The following CLDN2 variants were observed in gnomAD, a reference collection of about 807,000 sequenced individuals.
The protein encoded by CLDN2 is claudin-2.
A neutral mutation model predicts 8.2 loss-of-function variants in CLDN2; 1 was observed. The ratio of observed to expected loss-of-function variants is 0.12; its 90% CI spans 0.04 to 0.58. The LOEUF (loss-of-function observed/expected upper bound fraction) is 0.58. CLDN2 is among the 20% of genes least tolerant of loss of function. The pLI is 0.90. For synonymous variants in CLDN2, 70 were observed against 70.2 expected (o/e 1.00, Z 0.01); for missense variants, 108 against 172.9 (o/e 0.62, Z 2.11).
intron 1 of CLDN2, chrX:106,901,015 A>G (rs1206808589): frequency 1.8e-6 from 2 of 1,087,136 alleles, no homozygotes; most frequent in Admixed American, 7.3e-5. Context: ...TGGCTGCAAC[A>G]ATGAGGTCAG....
At chrX:106,900,867 C>T (rs1322966259) in intron 1 of CLDN2, 2 of 1,209,738 alleles carry the variant, frequency 1.7e-6, no homozygotes. Context: ...CTCCCCAGCA[C>T]TGTACAGATA....
intron 1 of CLDN2, chrX:106,900,615 A>G: frequency 9.6e-7 from 1 of 1,037,889 alleles, no homozygotes; most frequent in Non-Finnish European, 1.3e-6. Flanking sequence ...TTGCCAGACA[A>G]ACTGAACCCC....
At chrX:106,902,242 G>A (rs772255653) in intron 1 of CLDN2, 49 of 1,121,488 alleles carry the variant, frequency 4.4e-5, no homozygotes, top group Non-Finnish European at 4.9e-5. Flanking sequence ...AGATCAATCC[G>A]TAGAGGAAGA....
At chrX:106,903,713 T>C (rs1301508605) in intron 1 of CLDN2, among the ~76,000 whole-genome samples, 1 of 111,768 alleles carries the variant, frequency 8.9e-6, no homozygotes, top group Non-Finnish European at 1.9e-5. Context: ...CTAAGCCAGT[T>C]CCTGGCAAGA....
intron 1 of CLDN2, chrX:106,902,275 GAT>G (rs1933113232): frequency 1.0e-6 from 1 of 976,900 alleles, no homozygotes; most frequent in Admixed American, 2.7e-5. Context: ...GGCTCCCTGA[GAT>G]AACAAGAGAC....
chrX:106,919,780 G>A (rs1052153775), upstream of CLDN2, among the ~76,000 whole-genome samples: 4 of 112,832 alleles, frequency 3.5e-5, no homozygotes, highest in Admixed American at 2.8e-4. Flanking sequence ...CACTGCACAC[G>A]GCCTTCACAG....
At chrX:106,906,130 A>T (rs759493055) in intron 1 of CLDN2, among the ~76,000 whole-genome samples, 2 of 111,840 alleles carry the variant, frequency 1.8e-5, no homozygotes, top group Non-Finnish European at 3.8e-5. Flanking sequence ...ACAGGAGTAA[A>T]CTGGTCAGCA....
At chrX:106,908,471 G>A (rs989503915) in intron 1 of CLDN2, among the ~76,000 whole-genome samples, 1 of 110,548 alleles carries the variant, frequency 9.0e-6, no homozygotes, top group Non-Finnish European at 1.9e-5. Context: ...CTGCAAACAC[G>A]CCATTCACCT....
In CLDN2 at chrX:106,927,852, T is replaced by C. The variant is rs978122578; in HGVS notation, c.-178-199T>C. ...GGAAAGCAGCCACCTGTCTGGCTCC[T>C]GGCTTTGTCCAGCTGCCAACCTAAG... On this transcript the variant is annotated intron_variant, in intron 1 of 1. Transcript: ENST00000336803. Among the ~76,000 whole-genome samples, 14 of 112,353 alleles carry C rather than the reference T, an allele frequency of 1.2e-4. No homozygotes were observed. The East Asian group carries it at 3.7e-3, about 29-fold the overall frequency.
chrX:106,908,271 T>A (rs886864245), intron 1 of CLDN2, among the ~76,000 whole-genome samples: 7 of 112,073 alleles, frequency 6.2e-5, no homozygotes, highest in African/African-American at 2.3e-4. Context: ...CCAGAGATTT[T>A]TCTAAAACAC....
chrX:106,919,110 TTC>T (rs1458718941), upstream of CLDN2, among the ~76,000 whole-genome samples: 14 of 112,169 alleles, frequency 1.2e-4, no homozygotes, highest in African/African-American at 4.5e-4. Flanking sequence ...AATGATGTAG[TTC>T]TGTGTTTTAA....
chrX:106,915,471 A>T (rs1933300417), upstream of CLDN2, among the ~76,000 whole-genome samples: 1 of 112,425 alleles, frequency 8.9e-6, no homozygotes, highest in Non-Finnish European at 1.9e-5. Flanking sequence ...GAAAAATACT[A>T]CCACCTCTTA....
chrX:106,916,088 C>T (rs754459481), upstream of CLDN2, among the ~76,000 whole-genome samples: 1 of 107,482 alleles, frequency 9.3e-6, no homozygotes, highest in South Asian at 4.0e-4. Flanking sequence ...AAAAAAAAAG[C>T]CAAACCCTTC....
chrX:106,927,930 T>G, intron 1 of CLDN2, 121 bp from the exon 2 acceptor site: 1 of 210,236 alleles, frequency 4.8e-6, no homozygotes, highest in Non-Finnish European at 8.3e-6. Flanking sequence ...TCAAAGTTGT[T>G]TTTTTTTTCC....
intron 1 of CLDN2, among the ~76,000 whole-genome samples, chrX:106,924,694 C>T (rs1056127600): frequency 9.3e-6 from 1 of 107,868 alleles, no homozygotes; most frequent in East Asian, 2.9e-4. Context: ...GTTGAGGAGA[C>T]AAAATATTCC....
intron 1 of CLDN2, among the ~76,000 whole-genome samples, chrX:106,907,044 C>T (rs1933189175): frequency 8.9e-6 from 1 of 112,128 alleles, no homozygotes; most frequent in African/African-American, 3.2e-5. Context: ...CCAAGAGCAG[C>T]TTGGCTCCAG....
intron 1 of CLDN2, among the ~76,000 whole-genome samples, chrX:106,925,720 G>C (rs1933456537): frequency 8.9e-6 from 1 of 112,660 alleles, no homozygotes; most frequent in South Asian, 3.6e-4. Flanking sequence ...GAAAGAGAAT[G>C]ATGAGGTCGT....
At chrX:106,916,138 A>G (rs1255711729), upstream of CLDN2, among the ~76,000 whole-genome samples, 1 of 111,021 alleles carries the variant, frequency 9.0e-6, no homozygotes, top group Non-Finnish European at 1.9e-5. Context: ...AACAACAAAT[A>G]CAACCCAAGA....
upstream of CLDN2, among the ~76,000 whole-genome samples, chrX:106,914,551 G>C (rs937379308): frequency 6.3e-5 from 7 of 111,653 alleles, no homozygotes; most frequent in Non-Finnish European, 1.3e-4. Flanking sequence ...TGAGAATCCA[G>C]CTGCCTTGTG....
Sources: gnomAD v4.1 joint callset for allele counts (sites outside exome capture counted in the v4.1 genomes callset) on GRCh38, gnomAD v4.1.1 for gene constraint, MANE v1.5 for transcripts, NCBI Gene and HGNC (gene_info 2026-07-23, HGNC 2026-07-21) for gene names.